The following IGSF21 variants were observed in gnomAD, a reference collection of about 807,000 sequenced individuals.
The protein encoded by IGSF21 is immunoglobin superfamily member 21.
Under a neutral mutation model 46.8 loss-of-function variants are expected in IGSF21, and 28 were observed. The ratio of observed to expected loss-of-function variants is 0.60; its 90% CI spans 0.44 to 0.82. The LOEUF is 0.82. Ranked by LOEUF, IGSF21 falls within the 40% of genes least tolerant of loss-of-function variation. The pLI, the probability that IGSF21 is intolerant of heterozygous loss-of-function variation, is 0.00. For missense variants in IGSF21, 624 were observed against 665.5 expected, an observed-to-expected ratio of 0.94 and a Z score of 0.69; for synonymous variants, 284 against 273.6, an observed-to-expected ratio of 1.04 and a Z score of -0.38.
intron 1 of IGSF21, among the ~76,000 whole-genome samples, chr1:18,197,688 C>G (rs535913504): frequency 5.5e-4 from 84 of 152,346 alleles, no homozygotes; most frequent in African/African-American, 1.9e-3. Flanking sequence ...CAAACCTTGG[C>G]TCTGCCACTC....
intron 3 of IGSF21, among the ~76,000 whole-genome samples, chr1:18,303,693 CAT>C (rs2085383788): frequency 6.6e-6 from 1 of 152,170 alleles, no homozygotes; most frequent in Non-Finnish European, 1.5e-5. Flanking sequence ...TAACTGTAGA[CAT>C]CGGGAGACAG....
intron 2 of IGSF21, among the ~76,000 whole-genome samples, chr1:18,262,415 G>T (rs2084954917): frequency 6.6e-6 from 1 of 152,286 alleles, no homozygotes. Flanking sequence ...TTGAATCCTG[G>T]CCCTGTCTTC....
intron 1 of IGSF21, among the ~76,000 whole-genome samples, chr1:18,133,147 G>C (rs549337823): frequency 9.8e-5 from 15 of 152,356 alleles, no homozygotes; most frequent in African/African-American, 2.9e-4. Flanking sequence ...AAAGGAAGAG[G>C]GAGGGGGAAG....
intron 1 of IGSF21, among the ~76,000 whole-genome samples, chr1:18,123,958 C>A (rs1442822342): frequency 6.6e-6 from 1 of 152,198 alleles, no homozygotes; most frequent in Non-Finnish European, 1.5e-5. Context: ...CCCTGGGAAG[C>A]ATGAAGCCCC....
At chr1:18,161,879 C>T (rs771282571) in intron 1 of IGSF21, among the ~76,000 whole-genome samples, 34 of 152,120 alleles carry the variant, frequency 2.2e-4, no homozygotes, top group Non-Finnish European at 4.7e-4. Flanking sequence ...CCTTGGAGGG[C>T]TGTGTGACCT....
intron 2 of IGSF21, among the ~76,000 whole-genome samples, chr1:18,243,094 G>T (rs2084749440): frequency 6.6e-6 from 1 of 152,170 alleles, no homozygotes; most frequent in Admixed American, 6.5e-5. Context: ...CCAAGTCTGG[G>T]GTGCCCTGCA....
At chr1:18,180,972 C>A (rs1013196861) in intron 1 of IGSF21, among the ~76,000 whole-genome samples, 1 of 152,194 alleles carries the variant, frequency 6.6e-6, no homozygotes, top group Non-Finnish European at 1.5e-5. Flanking sequence ...CTAAGCAGAT[C>A]TGTTTTCCCC....
intron 1 of IGSF21, among the ~76,000 whole-genome samples, chr1:18,162,604 G>A (rs2086637903): frequency 6.6e-6 from 1 of 152,124 alleles, no homozygotes; most frequent in Non-Finnish European, 1.5e-5. Flanking sequence ...GGTCAGCTAG[G>A]CTAAGCTTTG....
At chr1:18,267,618 G>A (rs1033812626) in intron 2 of IGSF21, among the ~76,000 whole-genome samples, 5 of 152,212 alleles carry the variant, frequency 3.3e-5, no homozygotes, top group African/African-American at 9.6e-5. Context: ...TGGAGGAAGC[G>A]GGAGAAGAGG....
At chr1:18,184,728 G>A (rs971841026) in intron 1 of IGSF21, among the ~76,000 whole-genome samples, 49 of 152,098 alleles carry the variant, frequency 3.2e-4, no homozygotes, top group African/African-American at 1.2e-3. Flanking sequence ...GGTTGATGAC[G>A]TGCACCCTCC....
At chr1:18,196,144 G>A (rs1198137790) in intron 1 of IGSF21, among the ~76,000 whole-genome samples, 1 of 152,202 alleles carries the variant, frequency 6.6e-6, no homozygotes. Context: ...GGTTGAGGAG[G>A]ATTTGAAGAG....
intron 6 of IGSF21, among the ~76,000 whole-genome samples, chr1:18,368,416 C>T (rs959749956): frequency 1.3e-5 from 2 of 149,742 alleles, no homozygotes; most frequent in African/African-American, 4.9e-5. Flanking sequence ...GAGGCTGAGA[C>T]AGGAGAATCA....
chr1:18,223,380 C>A (rs1441305229), intron 1 of IGSF21, among the ~76,000 whole-genome samples: 1 of 152,218 alleles, frequency 6.6e-6, no homozygotes, highest in Non-Finnish European at 1.5e-5. Context: ...TCCCAAGAGA[C>A]CCCATCAAGT....
chr1:18,129,805 G>A lies in IGSF21; in HGVS notation c.70+21607G>A, dbSNP rs191529194. Among the ~76,000 whole-genome samples the A allele has an allele frequency of 2.0e-5, 3 of 152,320 alleles. No homozygotes were observed. The East Asian group carries it at 5.8e-4, about 29-fold the overall frequency. On this transcript the variant is annotated intron_variant, in intron 1 of 9. Coordinates refer to ENST00000251296, the MANE Select transcript of IGSF21 (RefSeq NM_032880.5). The stretch of plus-strand genomic sequence containing the variant: ...TATTAAAAGGTGGGACTGTTAAGAG[G>A]TGATTAGGTCACGCGGGCTCCACAC...
intron 1 of IGSF21, among the ~76,000 whole-genome samples, chr1:18,209,400 G>C (rs1014404710): frequency 5.3e-5 from 8 of 152,026 alleles, no homozygotes; most frequent in Middle Eastern, 3.2e-3. Context: ...CAGGTGACCT[G>C]GGCCCAGGGC....
intron 6 of IGSF21, among the ~76,000 whole-genome samples, chr1:18,374,828 G>T (rs2086264619): frequency 6.6e-6 from 1 of 152,278 alleles, no homozygotes; most frequent in Admixed American, 6.5e-5. Flanking sequence ...TCCCAGGGCA[G>T]CCCCAGGGCC....
intron 1 of IGSF21, among the ~76,000 whole-genome samples, chr1:18,183,725 C>T (rs191232523): frequency 6.6e-6 from 1 of 152,262 alleles, no homozygotes; most frequent in East Asian, 1.9e-4. Flanking sequence ...CTGGGCTTGG[C>T]TCCAGATGGT....
At chr1:18,275,485 A>T (rs2124550104) in intron 2 of IGSF21, among the ~76,000 whole-genome samples, 1 of 152,230 alleles carries the variant, frequency 6.6e-6, no homozygotes, top group Non-Finnish European at 1.5e-5. Flanking sequence ...TGGTGATCAG[A>T]CATGCAGCAG....
chr1:18,261,985 T>C (rs963861504), intron 2 of IGSF21, among the ~76,000 whole-genome samples: 1 of 152,136 alleles, frequency 6.6e-6, no homozygotes, highest in Non-Finnish European at 1.5e-5. Flanking sequence ...TGGAGTAGAA[T>C]GGAGTTGCTA....
Sources: allele counts gnomAD v4.1 joint callset (sites outside exome capture counted in the v4.1 genomes callset), GRCh38; gene constraint gnomAD v4.1.1; transcripts MANE v1.5; gene names NCBI Gene and HGNC (gene_info 2026-07-23, HGNC 2026-07-21).